The following CADM2 variants were observed in gnomAD, a reference collection of about 807,000 sequenced individuals.
CADM2 encodes immunoglobulin superfamily member 4D.
A neutral mutation model predicts 49.8 loss-of-function variants in CADM2; 12 were observed. The ratio of observed to expected loss-of-function variants is 0.24; its 90% CI spans 0.15 to 0.39. The LOEUF is 0.39. Ranked by LOEUF, CADM2 falls within the 10% of genes least tolerant of loss-of-function variation. The pLI, the probability that CADM2 is intolerant of heterozygous loss-of-function variation, is 1.00. For missense variants in CADM2, 378 were observed against 492.3 expected (o/e 0.77, Z 2.20); for synonymous variants, 214 against 175.4 (o/e 1.22, Z -1.74).
At chr3:85,191,703 A>G (rs1215779547) in intron 1 of CADM2, among the ~76,000 whole-genome samples, 3 of 152,144 alleles carry the variant, frequency 2.0e-5, no homozygotes, top group Non-Finnish European at 2.9e-5. Context: ...GGAATAAGTG[A>G]GTGTATTAAT....
In CADM2 at chr3:85,492,264, T is replaced by A. The variant is rs569698172; in HGVS notation, c.62-234258T>A. Among the ~76,000 whole-genome samples the A allele has an allele frequency of 1.1e-4, 16 of 152,176 alleles. No homozygotes were observed. The South Asian group carries it at 3.3e-3, about 32-fold the overall frequency. ...GTTAATTTGTTCCCTTTCTTTTTGA[T>A]CCATAAGTAAGGAAACATTTTCTCT... is the stretch of plus-strand genomic sequence containing the variant. On this transcript the variant is annotated intron_variant, in intron 1 of 9. Coordinates refer to ENST00000383699, the MANE Select transcript of CADM2 (RefSeq NM_001167675.2).
chr3:85,605,944 G>A (rs1255632379), intron 1 of CADM2, among the ~76,000 whole-genome samples: 1 of 152,076 alleles, frequency 6.6e-6, no homozygotes, highest in Non-Finnish European at 1.5e-5. Flanking sequence ...ATGCTTAATA[G>A]TTAAAGAAGA....
intron 1 of CADM2, among the ~76,000 whole-genome samples, chr3:85,344,153 A>G (rs1043577363): frequency 1.3e-5 from 2 of 152,008 alleles, no homozygotes; most frequent in Admixed American, 6.6e-5. Context: ...AGGCGGGCAG[A>G]TCACGAAGTC....
At chr3:85,054,935 A>G (rs970943992) in intron 1 of CADM2, among the ~76,000 whole-genome samples, 72 of 152,066 alleles carry the variant, frequency 4.7e-4, no homozygotes, top group African/African-American at 1.5e-3. Context: ...CTGCTGTGAA[A>G]AATGATTATG....
chr3:85,294,200 G>C (rs911752916), intron 1 of CADM2, among the ~76,000 whole-genome samples: 3 of 152,054 alleles, frequency 2.0e-5, no homozygotes, highest in African/African-American at 7.2e-5. Context: ...TTGCTTCAAA[G>C]ACAATAAAAT....
intron 1 of CADM2, among the ~76,000 whole-genome samples, chr3:85,543,962 A>G (rs1245492829): frequency 6.6e-6 from 1 of 152,212 alleles, no homozygotes; most frequent in African/African-American, 2.4e-5. Flanking sequence ...ATATCAAAGC[A>G]TATGTTCAGT....
At chr3:85,370,505 G>T (rs1312881380) in intron 1 of CADM2, among the ~76,000 whole-genome samples, 1 of 152,016 alleles carries the variant, frequency 6.6e-6, no homozygotes, top group East Asian at 1.9e-4. Context: ...CTGTCATAAA[G>T]TAATAGCACA....
chr3:85,314,317 G>GT (rs560263286), intron 1 of CADM2, among the ~76,000 whole-genome samples: 11 of 150,302 alleles, frequency 7.3e-5, no homozygotes, highest in South Asian at 4.2e-4. Context: ...CTTTATGCAC[G>GT]TTTTTTTCTT....
At chr3:85,034,044 G>T (rs1375119636) in intron 1 of CADM2, among the ~76,000 whole-genome samples, 1 of 151,928 alleles carries the variant, frequency 6.6e-6, no homozygotes, top group African/African-American at 2.4e-5. Context: ...TTTAATATAG[G>T]CCTACAATGT....
chr3:85,934,887 G>T (rs1478365835), intron 6 of CADM2, among the ~76,000 whole-genome samples: 6 of 151,950 alleles, frequency 3.9e-5, no homozygotes, highest in African/African-American at 1.4e-4. Context: ...TTATTGTAGA[G>T]AATGTGAAGA....
At chr3:85,877,881 C>T (rs1031796373) in intron 3 of CADM2, among the ~76,000 whole-genome samples, 6 of 151,762 alleles carry the variant, frequency 4.0e-5, no homozygotes, top group Non-Finnish European at 4.4e-5. Flanking sequence ...GCTCAGGGTG[C>T]TGAAATAGTG....
intron 1 of CADM2, among the ~76,000 whole-genome samples, chr3:85,486,134 G>A (rs1450528273): frequency 6.6e-6 from 1 of 152,032 alleles, no homozygotes; most frequent in African/African-American, 2.4e-5. Context: ...CTTTTATATT[G>A]CAAAGTATTT....
rs1025470910 is a variant in CADM2 at position 85,400,557 on chromosome 3, C to T, written c.62-325965C>T. ...TCCTCTTTTTACCTCTGGTAGAATT[C>T]GGCTGTGAATCCATCTGGTCCTGGA... is the stretch of plus-strand genomic sequence containing the variant. On this transcript the variant is annotated intron_variant, in intron 1 of 9. Coordinates refer to ENST00000383699, the MANE Select transcript of CADM2 (RefSeq NM_001167675.2). Among the ~76,000 whole-genome samples the T allele has an allele frequency of 3.3e-5, 5 of 152,196 alleles. No homozygotes were observed. The South Asian group carries it at 6.2e-4, about 19-fold the overall frequency.
intron 5 of CADM2, among the ~76,000 whole-genome samples, chr3:85,898,949 A>AT (rs1715671494): frequency 1.9e-5 from 1 of 51,612 alleles, no homozygotes; most frequent in African/African-American, 8.4e-5. Context: ...ATATATATAT[A>AT]TATATATTTT....
chr3:85,057,228 G>C (rs966305146), intron 1 of CADM2, among the ~76,000 whole-genome samples: 1 of 151,880 alleles, frequency 6.6e-6, no homozygotes, highest in East Asian at 1.9e-4. Context: ...CAGCATATTT[G>C]CCGTGAAAAA....
At position 85,665,919 on chromosome 3, in the gene CADM2, G is replaced by A. The variant is rs1267387528; in HGVS notation, c.62-60603G>A. On this transcript the variant is annotated intron_variant, in intron 1 of 9. Transcript: ENST00000383699. ...TTCTTGATCTCTTTGAGATAACAAG[G>A]GTATTCAATTAGGAAAAGAAGAAGT... 2.6e-5 allele frequency among the ~76,000 whole-genome samples: 4 copies of A among 151,702 alleles called. No homozygotes were observed. In the East Asian group the frequency reaches 7.7e-4, roughly 29 times the overall value.
Position 85,883,460 on chromosome 3 carries a change from A to G in CADM2, c.391+17A>G. Reference sequence around the variant, plus strand: ...CCGTTCTGGGTAAGTGCAAGGGACTAACACCATGTAATCACAAAACCAGAA... The same window carrying G: ...CCGTTCTGGGTAAGTGCAAGGGACTGACACCATGTAATCACAAAACCAGAA... On this transcript the variant is annotated intron_variant, in intron 4 of 9. Transcript: ENST00000383699. The G allele has an allele frequency of 6.3e-7, 1 of 1,583,756 alleles. No individual in the cohort carries two copies. Among genetic ancestry groups the G allele is most frequent in the Non-Finnish European group, 8.6e-7 (1 of 1,161,256 alleles).
chr3:85,946,254 A>C (rs1186473554), intron 7 of CADM2, among the ~76,000 whole-genome samples: 1 of 151,560 alleles, frequency 6.6e-6, no homozygotes, highest in Non-Finnish European at 1.5e-5. Flanking sequence ...GGAGAACTAC[A>C]AACCACTGCT....
intron 3 of CADM2, among the ~76,000 whole-genome samples, chr3:85,863,925 T>C (rs2075629918): frequency 6.6e-6 from 1 of 152,144 alleles, no homozygotes; most frequent in Admixed American, 6.6e-5. Flanking sequence ...GAGAGTGGAC[T>C]GGAGACGTGG....
Sources: gnomAD v4.1 joint callset for allele counts (sites outside exome capture counted in the v4.1 genomes callset) on GRCh38, gnomAD v4.1.1 for gene constraint, MANE v1.5 for transcripts, NCBI Gene and HGNC (gene_info 2026-07-23, HGNC 2026-07-21) for gene names.